GPHN: variants seen among roughly 807,000 people sequenced by gnomAD.
GPHN encodes gephyrin.
In GPHN, 17 loss-of-function variants were observed where a neutral mutation model predicts 95.5. That is an observed-to-expected ratio of 0.18 (90% CI 0.12 to 0.27). The LOEUF (loss-of-function observed/expected upper bound fraction) is 0.27, where lower values mean the gene tolerates loss of function less well. Ranked by LOEUF, GPHN falls within the 10% of genes least tolerant of loss-of-function variation. GPHN has a pLI of 1.00. For synonymous variants in GPHN, 320 were observed against 322.5 expected (o/e 0.99, Z 0.08); for missense variants, 660 against 978.1 (o/e 0.67, Z 4.34).
chr14:66,614,325 A>T (rs896348423), intron 1 of GPHN, among the ~76,000 whole-genome samples: 1 of 152,188 alleles, frequency 6.6e-6, no homozygotes, highest in Admixed American at 6.5e-5. Flanking sequence ...TTTCAAATTC[A>T]GGTCTAACTT....
chr14:67,177,054 G>A (rs1013313878), intron 21 of GPHN, among the ~76,000 whole-genome samples: 1 of 152,070 alleles, frequency 6.6e-6, no homozygotes, highest in Admixed American at 6.6e-5. Flanking sequence ...TTTTTTTGAA[G>A]GGTTTTTTGT....
intron 4 of GPHN, among the ~76,000 whole-genome samples, chr14:66,834,606 C>G (rs1158054063): frequency 6.6e-6 from 1 of 151,098 alleles, no homozygotes; most frequent in Non-Finnish European, 1.5e-5. Flanking sequence ...GGATGAAGCC[C>G]ACTTGATCAT....
chr14:67,061,754 C>T (rs2075832341), intron 11 of GPHN, among the ~76,000 whole-genome samples: 1 of 152,120 alleles, frequency 6.6e-6, no homozygotes, highest in Admixed American at 6.6e-5. Context: ...TCAAGCGATC[C>T]TCTCGCCTTA....
the GPHN span, among the ~76,000 whole-genome samples, chr14:67,300,123 T>C: frequency 5.3e-5 from 8 of 152,270 alleles, no homozygotes; most frequent in East Asian, 1.3e-3. Flanking sequence ...TTTATACATA[T>C]GGAACTCTAC....
chr14:67,480,941 CAAG>C, the GPHN span, among the ~76,000 whole-genome samples: 1 of 152,100 alleles, frequency 6.6e-6, no homozygotes, highest in Admixed American at 6.5e-5. Flanking sequence ...GGAGCAGAAG[CAAG>C]AAGAAAGGGG....
At chr14:67,209,711 G>T in the GPHN span, among the ~76,000 whole-genome samples, 2 of 151,436 alleles carry the variant, frequency 1.3e-5, no homozygotes, top group South Asian at 4.2e-4. Context: ...CCAGCTACTC[G>T]GGAGGCTGAG....
rs149433816 is a variant in GPHN at position 66,722,878 on chromosome 14, A to G, written c.143+41693A>G. On this transcript the variant is annotated intron_variant, in intron 2 of 22. Coordinates refer to ENST00000478722, the MANE Select transcript of GPHN (RefSeq NM_020806.5). ...ACAAACCTGTAGTTTTAAAAAATAT[A>G]TTCAGTTTTTGTCCTGTTCTTTTTT... Among the ~76,000 whole-genome samples the G allele has an allele frequency of 8.3e-4, 126 of 152,288 alleles. No individual in the cohort carries two copies. The East Asian group carries it at 0.021, about 25-fold the overall frequency.
the GPHN span, among the ~76,000 whole-genome samples, chr14:67,273,991 T>G: frequency 6.6e-6 from 1 of 152,236 alleles, no homozygotes; most frequent in Non-Finnish European, 1.5e-5. Context: ...CTTGGAAATT[T>G]GTTTAAGTTC....
At chr14:66,843,782 C>T (rs2062196207) in intron 4 of GPHN, among the ~76,000 whole-genome samples, 1 of 152,106 alleles carries the variant, frequency 6.6e-6, no homozygotes, top group Non-Finnish European at 1.5e-5. Context: ...ACCACCTGTC[C>T]TTTCTGCTTT....
the GPHN span, among the ~76,000 whole-genome samples, chr14:67,193,644 T>TA: frequency 1.4e-5 from 2 of 147,320 alleles, no homozygotes; most frequent in African/African-American, 4.9e-5. Context: ...TAGATATAGA[T>TA]ATATAGAAAT....
chr14:66,825,502 C>T (rs2061356727), intron 4 of GPHN, among the ~76,000 whole-genome samples: 1 of 152,090 alleles, frequency 6.6e-6, no homozygotes, highest in Non-Finnish European at 1.5e-5. Flanking sequence ...TATTAAAACA[C>T]AAATTGCTTG....
chr14:66,509,667 G>A (rs561933589), intron 1 of GPHN, among the ~76,000 whole-genome samples: 1 of 152,154 alleles, frequency 6.6e-6, no homozygotes, highest in Non-Finnish European at 1.5e-5. Flanking sequence ...GGCTTAGTTT[G>A]GAGTGAAGGA....
At chr14:66,797,375 A>T (rs2060196484) in intron 3 of GPHN, among the ~76,000 whole-genome samples, 1 of 151,856 alleles carries the variant, frequency 6.6e-6, no homozygotes, top group African/African-American at 2.4e-5. Flanking sequence ...ATAGAGTAAC[A>T]TTAGTATTTT....
At chr14:66,562,315 G>A (rs7159831) in intron 1 of GPHN, among the ~76,000 whole-genome samples, 11,213 of 152,098 alleles carry the variant, frequency 0.074, 604 homozygotes, top group Non-Finnish European at 0.12. Context: ...CAGACAGTAG[G>A]TCTTAAATGT....
At chr14:66,680,882 T>A (rs2066895093) in intron 1 of GPHN, among the ~76,000 whole-genome samples, 1 of 152,002 alleles carries the variant, frequency 6.6e-6, no homozygotes, top group Non-Finnish European at 1.5e-5. Flanking sequence ...TTATATAGAG[T>A]TGGTGTGCTT....
the GPHN span, among the ~76,000 whole-genome samples, chr14:67,450,344 A>C: frequency 6.6e-6 from 1 of 152,200 alleles, no homozygotes; most frequent in African/African-American, 2.4e-5. Context: ...AAAAATGTGG[A>C]AGTGACTTTG....
At chr14:66,674,505 C>T (rs192911530) in intron 1 of GPHN, among the ~76,000 whole-genome samples, 5 of 152,158 alleles carry the variant, frequency 3.3e-5, no homozygotes, top group African/African-American at 7.2e-5. Context: ...CTACTCTCTA[C>T]GTCTATGACC....
chr14:67,210,416 T>A, the GPHN span, among the ~76,000 whole-genome samples: 1 of 151,638 alleles, frequency 6.6e-6, no homozygotes, highest in Admixed American at 6.6e-5. Context: ...GGAGACCCTG[T>A]CTCTATTTAA....
At chr14:66,949,029 T>C (rs1287900937) in intron 8 of GPHN, among the ~76,000 whole-genome samples, 1 of 152,254 alleles carries the variant, frequency 6.6e-6, no homozygotes, top group Non-Finnish European at 1.5e-5. Context: ...ACATGTGATA[T>C]ATATTTTCTG....
Sources: allele counts gnomAD v4.1 joint callset (sites outside exome capture counted in the v4.1 genomes callset), GRCh38; gene constraint gnomAD v4.1.1; transcripts MANE v1.5; gene names NCBI Gene and HGNC (gene_info 2026-07-23, HGNC 2026-07-21).